MTREX: variants seen among roughly 807,000 people sequenced by gnomAD.
MTREX encodes the protein Mtr4 exosome RNA helicase.
MTREX carries 76 observed loss-of-function variants against 135.4 expected under a neutral mutation model. The ratio of observed to expected loss-of-function variants is 0.56; its 90% CI spans 0.47 to 0.68. The LOEUF is 0.68. Ranked by LOEUF, MTREX falls within the 30% of genes least tolerant of loss-of-function variation. The pLI, the probability that MTREX is intolerant of heterozygous loss-of-function variation, is 0.00. For missense variants in MTREX, 920 were observed against 1,262.1 expected (o/e 0.73, Z 4.11); for synonymous variants, 404 against 401.6 (o/e 1.01, Z -0.07).
chr5:55,344,457 G>A (rs1235335327), intron 8 of MTREX, 65 bp from the exon 9 acceptor site: 3 of 1,001,688 alleles, frequency 3.0e-6, no homozygotes, highest in Non-Finnish European at 4.6e-6. Context: ...CTTTTAGGTT[G>A]GACTAAGATA....
intron 1 of MTREX, among the ~76,000 whole-genome samples, chr5:55,317,890 C>G (rs1431444526): frequency 1.3e-5 from 2 of 152,120 alleles, no homozygotes. Context: ...TGACAAAGGT[C>G]TAATATGCAG....
At chr5:55,322,549 T>G (rs1749306071) in intron 2 of MTREX, 85 bp downstream of exon 2, 1 of 949,090 alleles carries the variant, frequency 1.1e-6, no homozygotes, top group Non-Finnish European at 1.5e-6. Context: ...ATGTTGCTAC[T>G]TAGATATATG....
chr5:55,335,334 A>G (rs1749537300), intron 5 of MTREX, among the ~76,000 whole-genome samples: 1 of 152,008 alleles, frequency 6.6e-6, no homozygotes, highest in African/African-American at 2.4e-5. Flanking sequence ...TATTTTATAG[A>G]TTGTTCATGC....
At chr5:55,381,426 T>G (rs1750395187) in intron 18 of MTREX, among the ~76,000 whole-genome samples, 1 of 152,196 alleles carries the variant, frequency 6.6e-6, no homozygotes, top group Admixed American at 6.5e-5. Flanking sequence ...CTACAGACGC[T>G]TTAGCTGTAT....
intron 16 of MTREX, among the ~76,000 whole-genome samples, chr5:55,369,971 A>G (rs1436019737): frequency 3.3e-5 from 5 of 150,212 alleles, no homozygotes; most frequent in Admixed American, 1.3e-4. Context: ...TGCCCAGGCA[A>G]TGGCAACAAT....
At chr5:55,417,724 C>G (rs1750988369) in intron 25 of MTREX, among the ~76,000 whole-genome samples, 1 of 152,102 alleles carries the variant, frequency 6.6e-6, no homozygotes, top group African/African-American at 2.4e-5. Context: ...TAGAGCACCA[C>G]CAGTCTTCAG....
chr5:55,308,159 G>A lies in MTREX; in HGVS notation c.134+12G>A, dbSNP rs760501885. ...GCAGACAAGGCAGGGTAAGGAAGAA[G>A]TTCCAGTTGTTGCTTTTATTTTTTT... On this transcript the variant is annotated intron_variant, in intron 1 of 26. Coordinates refer to ENST00000230640, the MANE Select transcript of MTREX (RefSeq NM_015360.5). The A allele has an allele frequency of 6.4e-6, 10 of 1,571,288 alleles. No homozygotes were observed. The African/African-American group carries it at 1.1e-4, about 17-fold the overall frequency.
chr5:55,366,726 G>T lies in MTREX; in HGVS notation c.1661G>T (p.Gly554Val). 1 of 1,570,310 alleles carries T rather than the reference G, an allele frequency of 6.4e-7. No individual in the cohort carries two copies. The highest frequency in any genetic ancestry group is 1.2e-5 in the South Asian group (1 of 81,866). Residue 554 changes from glycine to valine, a missense_variant and splice_region_variant, in exon 16 of 27, where the codon GGC becomes GTC. Coordinates refer to ENST00000230640, the MANE Select transcript of MTREX (RefSeq NM_015360.5). ...ATTGACATTTTTTTTCTCTCTTAGG[G>T]CTCCGCTGATCCTCTAAATAGTGCT... The part of the protein sequence containing the change: ...SPTIGKQLLK[G>V]SADPLNSAFH...
intron 17 of MTREX, among the ~76,000 whole-genome samples, chr5:55,378,699 T>G (rs986331895): frequency 1.3e-5 from 2 of 152,206 alleles, no homozygotes; most frequent in African/African-American, 4.8e-5. Context: ...TTTTGGGGAC[T>G]ATAAATTGAA....
intron 25 of MTREX, among the ~76,000 whole-genome samples, chr5:55,421,902 A>G (rs572903088): frequency 4.6e-4 from 70 of 152,286 alleles, no homozygotes; most frequent in African/African-American, 1.6e-3. Context: ...TACCCTCTCT[A>G]TCCCAATTCC....
intron 15 of MTREX, among the ~76,000 whole-genome samples, chr5:55,359,163 A>C (rs186829099): frequency 6.6e-6 from 1 of 152,320 alleles, no homozygotes; most frequent in African/African-American, 2.4e-5. Flanking sequence ...TAAATATCCC[A>C]ATCAAAAAGG....
At position 55,340,197 on chromosome 5, in the gene MTREX, G is replaced by T; in HGVS notation, c.690+13G>T. On this transcript the variant is annotated intron_variant, in intron 6 of 26. Transcript: ENST00000230640. ...TATGACCACAGAGGTAATTCATGTA[G>T]TGCCTCATCTGACTTTTCGTTTTTA... 6.6e-7 allele frequency: 1 copy of T among 1,506,200 alleles called. No individual in the cohort carries two copies. 93.3% of individuals were successfully genotyped at this position (1,506,200 alleles called of 1,614,324 possible). A position where few individuals can be genotyped will look rare whatever the true frequency, so the allele number is the denominator to read the frequency against.
intron 19 of MTREX, among the ~76,000 whole-genome samples, chr5:55,395,482 A>G (rs942798907): frequency 2.6e-5 from 4 of 152,216 alleles, no homozygotes; most frequent in South Asian, 2.1e-4. Flanking sequence ...GTAATTTACT[A>G]TGGCAAGAAT....
chr5:55,366,647 G>A, intron 15 of MTREX, 78 bp from the exon 16 acceptor site: 1 of 1,051,588 alleles, frequency 9.5e-7, no homozygotes, highest in South Asian at 2.4e-5. Flanking sequence ...GACTGTTATT[G>A]AGCATTATAG....
In MTREX at chr5:55,424,996, G is replaced by A. The variant is rs1404929907; in HGVS notation, c.*224G>A. On this transcript the variant is annotated 3_prime_UTR_variant, in exon 27 of 27. Transcript: ENST00000230640. ...AGGTGGGGCACTGTTTTGGTGGAAGGCTTGGAGTTTTTTTAATGAGTTTAG... is the reference window on the plus strand; with the variant it reads ...AGGTGGGGCACTGTTTTGGTGGAAGACTTGGAGTTTTTTTAATGAGTTTAG... 2.8e-6 allele frequency: 2 copies of A among 708,574 alleles called. No homozygotes were observed. The highest frequency in any genetic ancestry group is 4.5e-6 in the Non-Finnish European group (2 of 440,970). The allele number at this position is 708,574 out of a possible 1,614,324, so 43.9% of individuals were successfully genotyped here.
chr5:55,340,545 T>C (rs760834196), intron 6 of MTREX, among the ~76,000 whole-genome samples: 12 of 152,270 alleles, frequency 7.9e-5, no homozygotes, highest in Non-Finnish European at 8.8e-5. Flanking sequence ...CTTCTATATC[T>C]GAGTGTTGAT....
intron 18 of MTREX, among the ~76,000 whole-genome samples, chr5:55,382,097 T>A (rs1391123795): frequency 1.3e-5 from 2 of 152,172 alleles, no homozygotes; most frequent in Admixed American, 6.5e-5. Flanking sequence ...TTGTTTTTTT[T>A]AATCCAATCT....
intron 21 of MTREX, among the ~76,000 whole-genome samples, chr5:55,403,093 C>A (rs191180591): frequency 6.6e-6 from 1 of 151,866 alleles, no homozygotes; most frequent in Admixed American, 6.6e-5. Context: ...CCCAGGTACT[C>A]AGGAGGCTGA....
chr5:55,327,806 A>C (rs753254293), intron 4 of MTREX, 28 bp downstream of exon 4: 1 of 1,518,488 alleles, frequency 6.6e-7, no homozygotes, highest in East Asian at 2.3e-5. Context: ...TACAGTTTAT[A>C]TAGTTTCGTG....
Sources: allele counts gnomAD v4.1 joint callset (sites outside exome capture counted in the v4.1 genomes callset), GRCh38; gene constraint gnomAD v4.1.1; transcripts MANE v1.5; gene names NCBI Gene and HGNC (gene_info 2026-07-23, HGNC 2026-07-21).